The following CDH17 variants were observed in gnomAD, a reference collection of about 807,000 sequenced individuals.
CDH17 encodes cadherin 17, also known as cadherin-17.
CDH17 carries 67 observed loss-of-function variants against 86.3 expected under a neutral mutation model. That is an observed-to-expected ratio of 0.78 (90% confidence interval 0.64 to 0.95). The LOEUF is 0.95. Among genes scored for constraint, CDH17 ranks in the 40% least tolerant of loss-of-function variants. The pLI is 0.00. For synonymous variants in CDH17, 367 were observed against 366.4 expected (o/e 1.00, Z -0.02); for missense variants, 993 against 1,017.6 (o/e 0.98, Z 0.33).
At chr8:94,211,466 C>T (rs759119591), upstream of CDH17, among the ~76,000 whole-genome samples, 3 of 152,132 alleles carry the variant, frequency 2.0e-5, no homozygotes, top group Non-Finnish European at 4.4e-5. Context: ...TGCCCACCAC[C>T]ACACCCGGCT....
In CDH17 at chr8:94,160,712, T is replaced by G. The variant is rs570853464; in HGVS notation, c.1360-550A>C. On this transcript the variant is annotated intron_variant, in intron 11 of 17. Transcript: ENST00000027335. The stretch of plus-strand genomic sequence containing the variant: ...GACAATAGTAATAGAACCTACTTCA[T>G]GTTTGCTGTGGGTGTTAAGGGAGAC... Among the ~76,000 whole-genome samples, 244 of 152,344 alleles carry G rather than the reference T, an allele frequency of 1.6e-3. 3 individuals carry two copies. In the South Asian group the frequency reaches 0.019, roughly 12 times the overall value.
intron 15 of CDH17, among the ~76,000 whole-genome samples, chr8:94,139,906 A>T (rs984141914): frequency 1.3e-5 from 2 of 151,702 alleles, no homozygotes; most frequent in Non-Finnish European, 2.9e-5. Context: ...AAATAAATAA[A>T]AAAAAAGGGG....
chr8:94,174,227 A>G lies in CDH17; in HGVS notation c.458T>C (p.Leu153Pro). 1.9e-6 allele frequency: 3 copies of G among 1,613,410 alleles called. No homozygotes were observed. In the South Asian group the frequency reaches 3.3e-5, roughly 18 times the overall value. Residue 153 changes from leucine (L) to proline (P), a missense_variant, in exon 6 of 18, where the codon CTG becomes CCG. By Grantham distance (98) the Leu-to-Pro change is moderately conservative. Transcript: ENST00000027335. Reference protein sequence around the residue: ...KPFLYVNATDLDDPATPNGQL... With the variant: ...KPFLYVNATDPDDPATPNGQL... The stretch of plus-strand genomic sequence containing the variant: ...GCCATTGGGAGTGGCCGGATCATCC[A>G]GGTCTGTGGCATTGACATACAAGAA...
upstream of CDH17, among the ~76,000 whole-genome samples, chr8:94,210,129 C>T (rs557206132): frequency 6.9e-6 from 1 of 144,488 alleles, no homozygotes. Context: ...CCTTTGACTA[C>T]AGAATCGGGA....
chr8:94,162,922 C>T (rs1056173775), intron 10 of CDH17, among the ~76,000 whole-genome samples: 4 of 152,174 alleles, frequency 2.6e-5, no homozygotes, highest in Non-Finnish European at 5.9e-5. Context: ...GTTGTTCTAA[C>T]CATGGTGCAC....
intron 1 of CDH17, among the ~76,000 whole-genome samples, chr8:94,203,376 T>C (rs1042178257): frequency 6.6e-6 from 1 of 152,162 alleles, no homozygotes; most frequent in Non-Finnish European, 1.5e-5. Flanking sequence ...TAAGGTAGTG[T>C]GGGCAGGAAG....
At chr8:94,139,458 T>A (rs549567167) in intron 15 of CDH17, among the ~76,000 whole-genome samples, 8 of 152,092 alleles carry the variant, frequency 5.3e-5, no homozygotes, top group Admixed American at 5.2e-4. Context: ...AATCCTCAGA[T>A]CCAAGATGAT....
chr8:94,144,847 T>A (rs1482070961), intron 15 of CDH17, among the ~76,000 whole-genome samples: 1 of 152,096 alleles, frequency 6.6e-6, no homozygotes, highest in Non-Finnish European at 1.5e-5. Flanking sequence ...TTTTAAAAAA[T>A]GAATATCTAA....
intron 10 of CDH17, 103 bp from the exon 11 acceptor site, chr8:94,162,265 C>A: frequency 1.3e-6 from 1 of 771,808 alleles, no homozygotes; most frequent in Non-Finnish European, 2.2e-6. Context: ...ACAGCCATAG[C>A]CACAATTTTG....
Position 94,160,127 on chromosome 8 carries a change from A to G in CDH17, c.1395T>C (p.Ile465=). ...GNLTLAEDTN[I]GSTILTIQAT... is the part of the protein sequence containing the mutation. Reference sequence around the variant, plus strand: ...CCTGGATGGTTAAGATGGTGGACCCAATGTTTGTGTCTTCAGCAAGAGTCA... The same window carrying G: ...CCTGGATGGTTAAGATGGTGGACCCGATGTTTGTGTCTTCAGCAAGAGTCA... Residue 465 remains isoleucine, a synonymous_variant, in exon 12 of 18, where the codon ATT becomes ATC. Coordinates refer to ENST00000027335, the MANE Select transcript of CDH17 (RefSeq NM_004063.4). 1 of 1,613,232 alleles carries G rather than the reference A, an allele frequency of 6.2e-7. No individual in the cohort carries two copies. Among genetic ancestry groups the G allele is most frequent in the Non-Finnish European group, 8.5e-7 (1 of 1,179,652 alleles).
At chr8:94,205,516 C>T (rs1814009344) in intron 1 of CDH17, among the ~76,000 whole-genome samples, 1 of 152,020 alleles carries the variant, frequency 6.6e-6, no homozygotes. Flanking sequence ...CAAAGTGACC[C>T]AAGGCAGGAA....
intron 1 of CDH17, among the ~76,000 whole-genome samples, chr8:94,204,666 A>G (rs1233314662): frequency 1.3e-5 from 2 of 152,228 alleles, no homozygotes; most frequent in Non-Finnish European, 2.9e-5. Flanking sequence ...ATACCCAGTA[A>G]TGGGATTACT....
intron 3 of CDH17, among the ~76,000 whole-genome samples, chr8:94,187,697 C>T (rs922150330): frequency 6.6e-6 from 1 of 152,120 alleles, no homozygotes; most frequent in Non-Finnish European, 1.5e-5. Flanking sequence ...ACCTGCTCCT[C>T]CTGGCTCCAT....
At position 94,152,074 on chromosome 8, in the gene CDH17, C is replaced by T. The variant is rs772320402; in HGVS notation, c.1590G>A (p.Val530=). Residue 530 remains valine, a synonymous_variant, in exon 13 of 18, where the codon GTG becomes GTA. Coordinates refer to ENST00000027335, the MANE Select transcript of CDH17 (RefSeq NM_004063.4). The stretch of plus-strand genomic sequence containing the variant: ...GAGGCTCAGGATTTTCTGCTTTGAA[C>T]ACAATGTTGGAAACAGCTGCTGTTT... ...DFETAAVSNI[V]FKAENPEPLV... is the part of the protein sequence containing the mutation. The T allele has an allele frequency of 1.2e-6, 2 of 1,614,170 alleles. No homozygotes were observed. Among genetic ancestry groups the T allele is most frequent in the Admixed American group, 3.3e-5 (2 of 60,024 alleles).
At chr8:94,149,484 C>G (rs1563569974) in intron 13 of CDH17, among the ~76,000 whole-genome samples, 1 of 152,068 alleles carries the variant, frequency 6.6e-6, no homozygotes, top group Non-Finnish European at 1.5e-5. Flanking sequence ...GTAAACACAA[C>G]AGAGGGGGCC....
At chr8:94,214,354 G>A (rs1269897142) in intron 1 of CDH17, among the ~76,000 whole-genome samples, 1 of 152,198 alleles carries the variant, frequency 6.6e-6, no homozygotes, top group Non-Finnish European at 1.5e-5. Context: ...TCTCTCATTA[G>A]ACACCAAAAC....
chr8:94,153,732 G>T (rs1185448473), intron 12 of CDH17, among the ~76,000 whole-genome samples: 1 of 152,012 alleles, frequency 6.6e-6, no homozygotes, highest in Non-Finnish European at 1.5e-5. Context: ...AAGGAAGGAA[G>T]TTCCATCATT....
chr8:94,140,308 T>TG (rs1812613349), intron 15 of CDH17, among the ~76,000 whole-genome samples: 2 of 151,510 alleles, frequency 1.3e-5, no homozygotes, highest in Non-Finnish European at 3.0e-5. Context: ...CTCATACGTG[T>TG]AGTCCCAGCT....
chr8:94,128,439 AC>A, intron 17 of CDH17, 99 bp from the exon 18 acceptor site: 1 of 742,808 alleles, frequency 1.3e-6, no homozygotes. Flanking sequence ...AAATGACTCA[AC>A]TTCATTTTTG....
Sources: allele counts gnomAD v4.1 joint callset (sites outside exome capture counted in the v4.1 genomes callset), GRCh38; gene constraint gnomAD v4.1.1; transcripts MANE v1.5; gene names NCBI Gene and HGNC (gene_info 2026-07-23, HGNC 2026-07-21).